Variants in SEPTIN2 observed in about 807,000 individuals in gnomAD.
SEPTIN2 encodes septin-2.
Under a neutral mutation model 46.5 loss-of-function variants are expected in SEPTIN2, and 34 were observed. The observed-to-expected ratio is 0.73, with a 90% CI of 0.56 to 0.97. The LOEUF (loss-of-function observed/expected upper bound fraction) is 0.97. Among genes scored for constraint, SEPTIN2 ranks in the 50% least tolerant of loss-of-function variants. The probability of loss-of-function intolerance (pLI) is 0.00; values close to 1 mark genes in which losing one functional copy is unlikely to be tolerated. For synonymous variants in SEPTIN2, 175 were observed against 153.4 expected (o/e 1.14, Z -1.04); for missense variants, 347 against 448.4 (o/e 0.77, Z 2.04).
intron 3 of SEPTIN2, among the ~76,000 whole-genome samples, chr2:241,333,831 T>C (rs2079443377): frequency 6.6e-6 from 1 of 152,154 alleles, no homozygotes; most frequent in Non-Finnish European, 1.5e-5. Flanking sequence ...AATTCACTTA[T>C]TTGTTCTTGA....
chr2:241,347,647 GTC>G (rs1195395485), intron 10 of SEPTIN2, among the ~76,000 whole-genome samples: 1 of 152,162 alleles, frequency 6.6e-6, no homozygotes, highest in African/African-American at 2.4e-5. Flanking sequence ...AGTAAGAAAA[GTC>G]TCTTGAATGT....
intron 7 of SEPTIN2, among the ~76,000 whole-genome samples, chr2:241,342,026 G>A (rs938483254): frequency 5.3e-5 from 8 of 152,118 alleles, no homozygotes; most frequent in Non-Finnish European, 1.0e-4. Flanking sequence ...TGATAGGTCC[G>A]ATTGTGGGAT....
rs1356354085 is a variant in SEPTIN2 at position 241,352,415 on chromosome 2, C to G, written c.*478C>G. On this transcript the variant is annotated 3_prime_UTR_variant, in exon 13 of 13. Coordinates refer to ENST00000391971, the MANE Select transcript of SEPTIN2 (RefSeq NM_004404.5). ...GTGCAAGGCCATCTGCTTACCACATCACACCACTTGGAGATCTTTGCTTCC... is the reference window on the plus strand; with the variant it reads ...GTGCAAGGCCATCTGCTTACCACATGACACCACTTGGAGATCTTTGCTTCC... 2 of 152,654 alleles carry G rather than the reference C, an allele frequency of 1.3e-5. No individual in the cohort carries two copies. Among genetic ancestry groups the G allele is most frequent in the African/African-American group, 2.4e-5 (1 of 41,444 alleles). 9.5% of individuals were successfully genotyped at this position (152,654 alleles called of 1,614,324 possible). A position where few individuals can be genotyped will look rare whatever the true frequency, so the allele number is the denominator to read the frequency against.
rs564810428 is a variant in SEPTIN2, at chr2:241,329,478, A to G, written c.130+3365A>G. ...TACCAGCCTATTTTATTAAGCCAGC[A>G]TTATCCTATTACAAATGACAAGAAA... On this transcript the variant is annotated intron_variant, in intron 3 of 12. Coordinates refer to ENST00000391971, the MANE Select transcript of SEPTIN2 (RefSeq NM_004404.5). Among the ~76,000 whole-genome samples the G allele has an allele frequency of 5.3e-5, 8 of 152,340 alleles. No homozygotes were observed. In the South Asian group the frequency reaches 1.4e-3, roughly 28 times the overall value.
At chr2:241,324,142 G>A in intron 1 of SEPTIN2, 74 bp from the exon 2 acceptor site, 1 of 1,409,200 alleles carries the variant, frequency 7.1e-7, no homozygotes, top group Admixed American at 1.9e-5. Flanking sequence ...AGTTCACGCT[G>A]TTAAATATAC....
intron 7 of SEPTIN2, among the ~76,000 whole-genome samples, chr2:241,338,489 C>T (rs1255380080): frequency 6.7e-6 from 1 of 149,386 alleles, no homozygotes; most frequent in East Asian, 1.9e-4. Context: ...GTTGCTGGGG[C>T]AGGGTAGGGG....
intron 7 of SEPTIN2, 80 bp from the exon 8 acceptor site, chr2:241,342,912 T>G (rs1340399349): frequency 1.4e-6 from 1 of 707,228 alleles, no homozygotes; most frequent in Non-Finnish European, 2.5e-6. Context: ...TCCAATATAT[T>G]TCTTACAAGA....
chr2:241,328,819 G>A (rs915705609), intron 3 of SEPTIN2, among the ~76,000 whole-genome samples: 1 of 150,352 alleles, frequency 6.7e-6, no homozygotes, highest in African/African-American at 2.4e-5. Context: ...TGGCAAGTTC[G>A]AGACCAGCCT....
chr2:241,350,607 G>C (rs2060699104), intron 12 of SEPTIN2, among the ~76,000 whole-genome samples: 1 of 152,220 alleles, frequency 6.6e-6, no homozygotes, highest in African/African-American at 2.4e-5. Flanking sequence ...AAAACAGCTT[G>C]TACAGATTAA....
upstream of SEPTIN2, chr2:241,315,404 CAGG>C (rs1327597789): frequency 1.3e-5 from 2 of 152,144 alleles, no homozygotes; most frequent in African/African-American, 2.4e-5. Context: ...TCTTGGAGGA[CAGG>C]AGGAGAGGCG....
In SEPTIN2 at chr2:241,325,933, A is replaced by G. The variant is rs926485300; in HGVS notation, c.10-60A>G. The G allele has an allele frequency of 9.3e-6, 14 of 1,501,218 alleles. No individual in the cohort carries two copies. The Admixed American group carries it at 2.7e-4, about 29-fold the overall frequency. The allele number at this position is 1,501,218 out of a possible 1,614,324, so 93.0% of individuals were successfully genotyped here. A position where few individuals can be genotyped will look rare whatever the true frequency, so the allele number is the denominator to read the frequency against. On this transcript the variant is annotated intron_variant, in intron 2 of 12. Coordinates refer to ENST00000391971, the MANE Select transcript of SEPTIN2 (RefSeq NM_004404.5). ...ATGTTTGTTTCATGTCTAACTGATTATATCTTAAAAGCAACTACTAAGGTG... is the reference window on the plus strand; with the variant it reads ...ATGTTTGTTTCATGTCTAACTGATTGTATCTTAAAAGCAACTACTAAGGTG...
chr2:241,335,412 A>C (rs372562239), intron 4 of SEPTIN2, 200 bp downstream of exon 4: 3 of 1,423,872 alleles, frequency 2.1e-6, no homozygotes, highest in East Asian at 2.5e-5. Context: ...ACACGTATCC[A>C]TGGATCCATC....
At chr2:241,319,828 A>G (rs2076889053) in intron 1 of SEPTIN2, among the ~76,000 whole-genome samples, 1 of 152,176 alleles carries the variant, frequency 6.6e-6, no homozygotes, top group South Asian at 2.1e-4. Flanking sequence ...TCCTGAGCTC[A>G]AGCGCTCCTC....
At chr2:241,324,327 A>T in intron 2 of SEPTIN2, 86 bp downstream of exon 2, 1 of 987,014 alleles carries the variant, frequency 1.0e-6, no homozygotes. Context: ...TATATGATTC[A>T]TTATTTTTAA....
upstream of SEPTIN2, chr2:241,315,895 C>T (rs1383215177): frequency 8.5e-6 from 1 of 118,210 alleles, no homozygotes; most frequent in Non-Finnish European, 1.8e-5. Flanking sequence ...CGGGGCGGGG[C>T]GGGCTGGGGC....
At chr2:241,323,625 G>A (rs2077479675) in intron 1 of SEPTIN2, among the ~76,000 whole-genome samples, 1 of 152,180 alleles carries the variant, frequency 6.6e-6, no homozygotes, top group South Asian at 2.1e-4. Context: ...AATATTTGAA[G>A]TAATTGAGAT....
chr2:241,320,130 A>T, intron 1 of SEPTIN2: 1 of 436,082 alleles, frequency 2.3e-6, no homozygotes, highest in Non-Finnish European at 4.7e-6. Context: ...TTCCTTTCTT[A>T]TGTCTCCATC....
intron 7 of SEPTIN2, among the ~76,000 whole-genome samples, chr2:241,338,852 A>G (rs1455773471): frequency 9.1e-5 from 2 of 22,058 alleles, no homozygotes; most frequent in Non-Finnish European, 2.0e-4. Context: ...AATATATAAT[A>G]TATATAAAAA....
chr2:241,324,388 C>A (rs75404045), intron 2 of SEPTIN2, 147 bp downstream of exon 2: 2 of 453,820 alleles, frequency 4.4e-6, no homozygotes, highest in Non-Finnish European at 3.9e-6. Flanking sequence ...ATTTAGTTGT[C>A]TTTTTTTTTT....
Sources: allele counts gnomAD v4.1 joint callset (sites outside exome capture counted in the v4.1 genomes callset), GRCh38; gene constraint gnomAD v4.1.1; transcripts MANE v1.5; gene names NCBI Gene and HGNC (gene_info 2026-07-23, HGNC 2026-07-21).